The following CAPRIN1 variants were observed in gnomAD, a reference collection of about 807,000 sequenced individuals.
CAPRIN1 encodes cell cycle associated protein 1.
CAPRIN1 carries 29 observed loss-of-function variants against 100.9 expected under a neutral mutation model. The observed-to-expected ratio is 0.29, with a 90% confidence interval of 0.21 to 0.39. The LOEUF is 0.39. CAPRIN1 is among the 10% of genes least tolerant of loss of function. The pLI, the probability that CAPRIN1 is intolerant of heterozygous loss-of-function variation, is 1.00. For missense variants in CAPRIN1, 795 were observed against 876.7 expected, an observed-to-expected ratio of 0.91 and a Z score of 1.18; for synonymous variants, 338 against 307.5, an observed-to-expected ratio of 1.10 and a Z score of -1.04.
intron 11 of CAPRIN1, among the ~76,000 whole-genome samples, chr11:34,086,828 T>G (rs1004135910): frequency 1.3e-5 from 2 of 152,238 alleles, no homozygotes; most frequent in African/African-American, 4.8e-5. Flanking sequence ...TTTTGTAACT[T>G]TAACAAGTGA....
intron 2 of CAPRIN1, among the ~76,000 whole-genome samples, chr11:34,056,752 T>C (rs990813004): frequency 6.6e-6 from 1 of 152,220 alleles, no homozygotes; most frequent in Non-Finnish European, 1.5e-5. Flanking sequence ...TTTTAATAGA[T>C]GACATTTAAA....
intron 4 of CAPRIN1, among the ~76,000 whole-genome samples, chr11:34,075,402 G>A (rs1207288370): frequency 6.6e-6 from 1 of 152,156 alleles, no homozygotes; most frequent in Non-Finnish European, 1.5e-5. Context: ...AGATACACGG[G>A]AGAGGGAGAG....
chr11:34,093,884 T>C (rs1590747372), intron 15 of CAPRIN1, among the ~76,000 whole-genome samples: 1 of 152,108 alleles, frequency 6.6e-6, no homozygotes, highest in Non-Finnish European at 1.5e-5. Flanking sequence ...CAAGTTCTCT[T>C]TAATCTCAGG....
At chr11:34,052,400 C>G (rs749334805) in intron 1 of CAPRIN1, 21 bp from the exon 2 acceptor site, 4 of 1,597,302 alleles carry the variant, frequency 2.5e-6, no homozygotes, top group South Asian at 1.1e-5. Flanking sequence ...GCTTTTTCTT[C>G]TCTCTCCTTG....
At chr11:34,085,315 A>T (rs1851117419) in intron 9 of CAPRIN1, among the ~76,000 whole-genome samples, 1 of 152,170 alleles carries the variant, frequency 6.6e-6, no homozygotes, top group African/African-American at 2.4e-5. Context: ...GGCTGAGAAA[A>T]TGGAATGGGA....
intron 4 of CAPRIN1, among the ~76,000 whole-genome samples, chr11:34,072,250 G>A (rs142747859): frequency 1.3e-5 from 2 of 151,208 alleles, no homozygotes; most frequent in East Asian, 3.9e-4. Context: ...TGGCTGTGGT[G>A]CATATGATTG....
intron 9 of CAPRIN1, among the ~76,000 whole-genome samples, chr11:34,083,930 ATGGTGGT>A (rs965948271): frequency 6.6e-6 from 1 of 152,032 alleles, no homozygotes; most frequent in African/African-American, 2.4e-5. Context: ...AAACCTGGGC[ATGGTGGT>A]GCATGCCTGT....
rs750949911 is a variant in CAPRIN1, at chr11:34,089,434, C to T, written c.1271C>T (p.Pro424Leu). The part of the protein sequence containing the change: ...ESRLAQPNQV[P>L]VQPEATQVPL... Reference sequence around the variant, plus strand: ...AGACTTGCTCAGCCTAATCAAGTTCCTGTACAACCAGAAGCGACACAGGTA... The same window carrying T: ...AGACTTGCTCAGCCTAATCAAGTTCTTGTACAACCAGAAGCGACACAGGTA... The change falls in exon 12 of 19, where the codon CCT becomes CTT. Residue 424 changes from proline (P) to leucine (L), a missense_variant. This residue lies in a region of CAPRIN1 where 648 missense variants were observed against 697.9 expected (regional missense o/e 0.93). Coordinates refer to ENST00000341394, the MANE Select transcript of CAPRIN1 (RefSeq NM_005898.5). 6.3e-5 allele frequency: 102 copies of T among 1,607,952 alleles called. No individual in the cohort carries two copies. The highest frequency in any genetic ancestry group is 8.3e-5 in the Non-Finnish European group (98 of 1,175,512).
rs572651866 is a variant in CAPRIN1, at chr11:34,060,990, CTTG to C, written c.216+8357_216+8359del. 4.3e-3 allele frequency among the ~76,000 whole-genome samples: 655 copies of C among 152,236 alleles called. 5 individuals are homozygous for C. The highest frequency in any genetic ancestry group is 0.015 in the African/African-American group (616 of 41,556). On this transcript the variant is annotated intron_variant, in intron 2 of 18. Coordinates refer to ENST00000341394, the MANE Select transcript of CAPRIN1 (RefSeq NM_005898.5). ...TAGTTCAAAGTAGGTGATGCTGGAACTTGTTAACATTTCTTTTTCCTACTAGAG... is the reference window on the plus strand; with the variant it reads ...TAGTTCAAAGTAGGTGATGCTGGAACTTAACATTTCTTTTTCCTACTAGAG...
chr11:34,099,448 T>C lies in CAPRIN1; in HGVS notation c.*81T>C. On this transcript the variant is annotated 3_prime_UTR_variant, in exon 19 of 19. Coordinates refer to ENST00000341394, the MANE Select transcript of CAPRIN1 (RefSeq NM_005898.5). The stretch of plus-strand genomic sequence containing the variant: ...ATATGTTACCAGAAGAGTTATTATC[T>C]ATTTGTTCTCCCTTTCAGGAAACTT... The C allele has an allele frequency of 8.5e-7, 1 of 1,180,108 alleles. No homozygotes were observed. The highest frequency in any genetic ancestry group is 1.5e-5 in the African/African-American group (1 of 66,400). 73.1% of individuals were successfully genotyped at this position (1,180,108 alleles called of 1,614,324 possible). A position where few individuals can be genotyped will look rare whatever the true frequency, so the allele number is the denominator to read the frequency against.
intron 6 of CAPRIN1, among the ~76,000 whole-genome samples, chr11:34,078,028 T>G (rs937970512): frequency 1.3e-5 from 2 of 152,188 alleles, no homozygotes; most frequent in African/African-American, 2.4e-5. Context: ...ATAGCTTGTT[T>G]TGGGGTTATT....
intron 2 of CAPRIN1, among the ~76,000 whole-genome samples, chr11:34,056,184 T>C (rs1850446722): frequency 6.6e-6 from 1 of 152,240 alleles, no homozygotes; most frequent in Non-Finnish European, 1.5e-5. Context: ...ACATTTGAGC[T>C]TTATTTCAAT....
chr11:34,056,859 G>C (rs565630269), intron 2 of CAPRIN1, among the ~76,000 whole-genome samples: 1 of 152,312 alleles, frequency 6.6e-6, no homozygotes, highest in East Asian at 1.9e-4. Flanking sequence ...TGCAAAAATA[G>C]CCTGACAGCT....
intron 1 of CAPRIN1, 136 bp from the exon 2 acceptor site, chr11:34,052,285 C>T (rs1369131738): frequency 1.8e-5 from 13 of 726,060 alleles, no homozygotes; most frequent in Admixed American, 1.6e-4. Context: ...CGAGGCGCGC[C>T]GCGCCCCCTC....
chr11:34,097,602 A>G (rs1185416651), intron 17 of CAPRIN1, 96 bp from the exon 18 acceptor site: 24 of 1,380,622 alleles, frequency 1.7e-5, no homozygotes, highest in Non-Finnish European at 2.4e-5. Flanking sequence ...CTAAAAGATT[A>G]AGGAAGAATT....
At chr11:34,057,697 A>C (rs1183960507) in intron 2 of CAPRIN1, among the ~76,000 whole-genome samples, 1 of 152,058 alleles carries the variant, frequency 6.6e-6, no homozygotes. Flanking sequence ...CACTGTTATA[A>C]AATTTAGAGG....
chr11:34,073,368 T>C (rs1850839492), intron 4 of CAPRIN1, among the ~76,000 whole-genome samples: 1 of 152,200 alleles, frequency 6.6e-6, no homozygotes, highest in Non-Finnish European at 1.5e-5. Flanking sequence ...TTTTCTAATC[T>C]GTAAAGTGGT....
chr11:34,078,089 G>A (rs1361155881), intron 6 of CAPRIN1, among the ~76,000 whole-genome samples: 1 of 152,126 alleles, frequency 6.6e-6, no homozygotes, highest in Non-Finnish European at 1.5e-5. Context: ...CTTTACAATG[G>A]AAAGGTACTA....
At chr11:34,052,038 T>C (rs1349730937) in intron 1 of CAPRIN1, 167 bp downstream of exon 1, 2 of 130,184 alleles carry the variant, frequency 1.5e-5, no homozygotes, top group African/African-American at 5.9e-5. Flanking sequence ...CCGACCTCTC[T>C]CTTTCCTCCC....
Sources: allele counts gnomAD v4.1 joint callset (sites outside exome capture counted in the v4.1 genomes callset), GRCh38; gene constraint gnomAD v4.1.1; regional missense constraint gnomAD v4.1.1; transcripts MANE v1.5; gene names NCBI Gene and HGNC (gene_info 2026-07-23, HGNC 2026-07-21).